Variants in CALCOCO2 observed in about 807,000 individuals in gnomAD.
CALCOCO2 encodes calcium binding and coiled-coil domain 2, also known as calcium-binding and coiled-coil domain-containing protein 2.
CALCOCO2 carries 42 observed loss-of-function variants against 62.5 expected under a neutral mutation model. That is an observed-to-expected ratio of 0.67 (90% confidence interval 0.53 to 0.87). The LOEUF is 0.87. CALCOCO2 is among the 40% of genes least tolerant of loss of function. The pLI is 0.00. For missense variants in CALCOCO2, 456 were observed against 515.0 expected (o/e 0.89, Z 1.11); for synonymous variants, 167 against 173.0 (o/e 0.97, Z 0.27).
chr17:48,838,701 G>A (rs1302405934), intron 1 of CALCOCO2, among the ~76,000 whole-genome samples: 2 of 152,030 alleles, frequency 1.3e-5, no homozygotes, highest in East Asian at 1.9e-4. Context: ...GGGACAAAGC[G>A]AGACTCTGTC....
chr17:48,862,207 C>A, intron 11 of CALCOCO2, 69 bp from the exon 12 acceptor site: 1 of 1,001,066 alleles, frequency 1.0e-6, no homozygotes, highest in Non-Finnish European at 1.6e-6. Flanking sequence ...GAAATATCTG[C>A]CAGAACACAG....
In CALCOCO2 at chr17:48,864,394, A is replaced by G. The variant is rs777929610; in HGVS notation, c.*1389A>G. The G allele has an allele frequency of 3.2e-5, 5 of 154,222 alleles. No individual in the cohort carries two copies. Among genetic ancestry groups the G allele is most frequent in the African/African-American group, 4.8e-5 (2 of 41,478 alleles). The allele number at this position is 154,222 out of a possible 1,614,324, so 9.6% of individuals were successfully genotyped here. ...CCCTGACTTCTTGCTGTAACTTTCCATGCATTTTTTTTAAAAGGAGCAGTG... is the reference window on the plus strand; with the variant it reads ...CCCTGACTTCTTGCTGTAACTTTCCGTGCATTTTTTTTAAAAGGAGCAGTG... On this transcript the variant is annotated 3_prime_UTR_variant, in exon 13 of 13. Transcript: ENST00000258947.
At position 48,852,371 on chromosome 17, in the gene CALCOCO2, TG is replaced by T. The variant is rs1029096254; in HGVS notation, c.703-134del. On this transcript the variant is annotated intron_variant, in intron 7 of 12. Transcript: ENST00000258947. ...TAAAGAGGTGCTTTAAAGAGTGATT[TG>T]TCTAATTTTACTCAGTTGGCAGTTG... The T allele has an allele frequency of 1.0e-5, 7 of 687,956 alleles. No homozygotes were observed. In the African/African-American group the frequency reaches 1.3e-4, roughly 12 times the overall value. 42.6% of individuals were successfully genotyped at this position (687,956 alleles called of 1,614,324 possible).
At chr17:48,861,678 A>ATATATATATATATATATATATATATAT (rs2040330228) in intron 11 of CALCOCO2, among the ~76,000 whole-genome samples, 2 of 84,220 alleles carry the variant, frequency 2.4e-5, no homozygotes, top group African/African-American at 7.9e-5. Flanking sequence ...TATATATATA[A>ATATATATATATATATATATATATATAT]AGCCTGTGTG....
chr17:48,834,999 C>T (rs2039871187), intron 1 of CALCOCO2, among the ~76,000 whole-genome samples: 1 of 152,010 alleles, frequency 6.6e-6, no homozygotes, highest in Non-Finnish European at 1.5e-5. Flanking sequence ...TGAGCCATGG[C>T]TGTGCCACTG....
chr17:48,835,970 C>T (rs1039495663), intron 1 of CALCOCO2, among the ~76,000 whole-genome samples: 7 of 152,080 alleles, frequency 4.6e-5, no homozygotes, highest in South Asian at 2.1e-4. Flanking sequence ...AGGCTGGCCT[C>T]GAACTCCTTA....
rs138256250 is a variant in CALCOCO2 at position 48,833,667 on chromosome 17, T to A, written c.-11+2589T>A. 3.9e-5 allele frequency among the ~76,000 whole-genome samples: 6 copies of A among 152,346 alleles called. No homozygotes were observed. The East Asian group carries it at 1.2e-3, about 29-fold the overall frequency. ...AAATGAAGAATTGATTTGCATGTCT[T>A]TCTTGCCTGTAGAAGCATTTGATTT... On this transcript the variant is annotated intron_variant, in intron 1 of 12. Transcript: ENST00000258947.
chr17:48,849,128 C>T, intron 4 of CALCOCO2, 124 bp from the exon 5 acceptor site: 1 of 833,012 alleles, frequency 1.2e-6, no homozygotes, highest in Non-Finnish European at 2.0e-6. Context: ...AGGAGCAGCC[C>T]CCATCTGGGA....
In CALCOCO2 at chr17:48,863,627, G is replaced by T; in HGVS notation, c.*622G>T. 1 of 154,456 alleles carries T rather than the reference G, an allele frequency of 6.5e-6. No individual in the cohort carries two copies. Among genetic ancestry groups the T allele is most frequent in the Admixed American group, 6.4e-5 (1 of 15,734 alleles). The allele number at this position is 154,456 out of a possible 1,614,324, so 9.6% of individuals were successfully genotyped here. A position where few individuals can be genotyped will look rare whatever the true frequency, so the allele number is the denominator to read the frequency against. ...TGTTTCAGTCACAGAAAGCTTTTCTGGGTACCTCTGGTTAGCACTTTCTAC... is the reference window on the plus strand; with the variant it reads ...TGTTTCAGTCACAGAAAGCTTTTCTTGGTACCTCTGGTTAGCACTTTCTAC... On this transcript the variant is annotated 3_prime_UTR_variant, in exon 13 of 13. Coordinates refer to ENST00000258947, the MANE Select transcript of CALCOCO2 (RefSeq NM_005831.5).
At chr17:48,849,475 C>A in intron 5 of CALCOCO2, 98 bp downstream of exon 5, 1 of 965,634 alleles carries the variant, frequency 1.0e-6, no homozygotes, top group Non-Finnish European at 1.6e-6. Context: ...GTGATCTCAC[C>A]TTCTTATACC....
At chr17:48,859,860 C>G (rs893494093) in intron 10 of CALCOCO2, among the ~76,000 whole-genome samples, 4 of 152,100 alleles carry the variant, frequency 2.6e-5, no homozygotes, top group African/African-American at 9.7e-5. Flanking sequence ...TTTGGGAGGC[C>G]AAGGCGGGCG....
chr17:48,856,171 T>C lies in CALCOCO2; in HGVS notation c.992T>C (p.Leu331Ser). 6.3e-7 allele frequency: 1 copy of C among 1,592,362 alleles called. No individual in the cohort carries two copies. The highest frequency in any genetic ancestry group is 8.6e-7 in the Non-Finnish European group (1 of 1,161,512). The change falls in exon 10 of 13, where the codon TTG (leucine) becomes TCG (serine). Residue 331 changes from leucine to serine, a missense_variant. This residue lies in a region of CALCOCO2 where 172 missense variants were observed against 210.3 expected (regional missense o/e 0.82). Transcript: ENST00000258947. ...CNALQRQKER[L>S]EGENDLLKRE... ...GCTCTGCAGAGACAGAAAGAGAGATTGGAAGGAGAAAATGATGTAAGTGTG... is the reference window on the plus strand; with the variant it reads ...GCTCTGCAGAGACAGAAAGAGAGATCGGAAGGAGAAAATGATGTAAGTGTG...
At chr17:48,835,480 T>G (rs2039877810) in intron 1 of CALCOCO2, among the ~76,000 whole-genome samples, 2 of 152,186 alleles carry the variant, frequency 1.3e-5, no homozygotes, top group Non-Finnish European at 2.9e-5. Context: ...GAGTCCCTTC[T>G]GGGAAGGTGA....
intron 9 of CALCOCO2, among the ~76,000 whole-genome samples, chr17:48,854,455 G>C (rs1179830333): frequency 1.0e-5 from 1 of 99,544 alleles, no homozygotes; most frequent in East Asian, 3.8e-4. Flanking sequence ...ACCCAGGTTG[G>C]AGTGCGCTGA....
chr17:48,858,031 A>G (rs1008306749), intron 10 of CALCOCO2, among the ~76,000 whole-genome samples: 171 of 15,826 alleles, frequency 0.011, no homozygotes, highest in Admixed American at 0.062. Context: ...ATAGAATAGA[A>G]TAGAATAGAA....
rs1310392765 is a variant in CALCOCO2, at chr17:48,841,703, C to A, written c.-5C>A. ...TGTTCCACATTTCATAACAGGACCC[C>A]TACCATGGAGGAGACCATCAAAGAT... is the stretch of plus-strand genomic sequence containing the variant. On this transcript the variant is annotated 5_prime_UTR_variant, in exon 2 of 13. Coordinates refer to ENST00000258947, the MANE Select transcript of CALCOCO2 (RefSeq NM_005831.5). 1 of 1,607,170 alleles carries A rather than the reference C, an allele frequency of 6.2e-7. No individual in the cohort carries two copies. Among genetic ancestry groups the A allele is most frequent in the East Asian group, 2.2e-5 (1 of 44,774 alleles).
intron 12 of CALCOCO2, 149 bp from the exon 13 acceptor site, chr17:48,862,689 C>T: frequency 3.0e-6 from 2 of 663,492 alleles, no homozygotes; most frequent in East Asian, 2.6e-5. Flanking sequence ...TTCAAATGTG[C>T]ATTCTCTTCA....
At chr17:48,850,155 C>T (rs2040106878) in intron 5 of CALCOCO2, among the ~76,000 whole-genome samples, 1 of 152,118 alleles carries the variant, frequency 6.6e-6, no homozygotes, top group Admixed American at 6.6e-5. Flanking sequence ...AAAAATTAGC[C>T]AAGCATGGTG....
intron 5 of CALCOCO2, among the ~76,000 whole-genome samples, chr17:48,849,918 G>C (rs2040103864): frequency 6.6e-6 from 1 of 152,092 alleles, no homozygotes; most frequent in Non-Finnish European, 1.5e-5. Context: ...AGCACTTTGG[G>C]AGGCCAAGAT....
Sources: gnomAD v4.1 joint callset for allele counts (sites outside exome capture counted in the v4.1 genomes callset) on GRCh38, gnomAD v4.1.1 for gene constraint, gnomAD v4.1.1 regional missense constraint, MANE v1.5 for transcripts, NCBI Gene and HGNC (gene_info 2026-07-23, HGNC 2026-07-21) for gene names.